The following FRMD5 variants were observed in gnomAD, a reference collection of about 807,000 sequenced individuals.
FRMD5 encodes the protein FERM domain containing 5, also known as FERM domain-containing protein 5.
A neutral mutation model predicts 69.0 loss-of-function variants in FRMD5; 20 were observed. That is an observed-to-expected ratio of 0.29 (90% confidence interval 0.20 to 0.42). The LOEUF (loss-of-function observed/expected upper bound fraction) is 0.42, where lower values mean the gene tolerates loss of function less well. Among genes scored for constraint, FRMD5 ranks in the 10% least tolerant of loss-of-function variants. FRMD5 has a pLI of 1.00. For missense variants in FRMD5, 595 were observed against 708.6 expected, an observed-to-expected ratio of 0.84 and a Z score of 1.82; for synonymous variants, 271 against 260.1, an observed-to-expected ratio of 1.04 and a Z score of -0.40.
rs550899044 is a variant in FRMD5 at position 44,120,123 on chromosome 15, G to A, written c.102+74830C>T. Among the ~76,000 whole-genome samples the A allele has an allele frequency of 1.5e-4, 23 of 152,256 alleles. No individual in the cohort carries two copies. In the South Asian group the frequency reaches 4.4e-3, roughly 29 times the overall value. On this transcript the variant is annotated intron_variant, in intron 1 of 13. Transcript: ENST00000417257. ...GTACAGAGGAGAAAGTTCATAGGGG[G>A]ACCTACAAACCATACCAAGGAGTTT...
chr15:43,874,061 A>T lies in FRMD5; in HGVS notation c.1537T>A (p.Phe513Ile). The change falls in exon 14 of 14, where the codon TTT (phenylalanine) becomes ATT (isoleucine). Residue 513 changes from phenylalanine to isoleucine, a missense_variant. Phe to Ile is a conservative substitution (Grantham distance 21). Coordinates refer to ENST00000417257, the MANE Select transcript of FRMD5 (RefSeq NM_032892.5). ...ATGATCAGGAGGAGGAGCAAAACAA[A>T]GAGGAGTCCCATGGTCACAAGGAGC... ...RLLLVTMGLLFVLLLLLIILT... is the reference protein window; with the variant it reads ...RLLLVTMGLLIVLLLLLIILT... 1 of 1,614,254 alleles carries T rather than the reference A, an allele frequency of 6.2e-7. No homozygotes were observed. The highest frequency in any genetic ancestry group is 8.5e-7 in the Non-Finnish European group (1 of 1,180,048).
intron 1 of FRMD5, among the ~76,000 whole-genome samples, chr15:44,090,855 T>A (rs948222938): frequency 3.3e-5 from 5 of 152,210 alleles, no homozygotes; most frequent in Non-Finnish European, 7.3e-5. Flanking sequence ...TGAATTTTTT[T>A]AAAAGACTAC....
intron 1 of FRMD5, among the ~76,000 whole-genome samples, chr15:43,966,367 C>T (rs1461744269): frequency 1.3e-5 from 2 of 151,934 alleles, no homozygotes; most frequent in African/African-American, 4.8e-5. Context: ...GAGTGAGACC[C>T]TGTCTCTAAA....
chr15:44,045,490 A>G (rs1439818390), intron 1 of FRMD5, among the ~76,000 whole-genome samples: 1 of 152,356 alleles, frequency 6.6e-6, no homozygotes, highest in East Asian at 1.9e-4. Context: ...ACAAGAATCA[A>G]TTAAAAAAAG....
chr15:43,953,739 C>T (rs867550986), intron 1 of FRMD5, among the ~76,000 whole-genome samples: 1 of 152,236 alleles, frequency 6.6e-6, no homozygotes, highest in Admixed American at 6.5e-5. Flanking sequence ...AGGTACTTGT[C>T]ATCTGTTACC....
intron 1 of FRMD5, among the ~76,000 whole-genome samples, chr15:44,118,075 G>T (rs2076896492): frequency 1.4e-5 from 2 of 147,140 alleles, no homozygotes; most frequent in South Asian, 4.4e-4. Context: ...TAGGGGTAGT[G>T]ATTGAGGAGG....
At chr15:43,983,321 A>G (rs1254365816) in intron 1 of FRMD5, among the ~76,000 whole-genome samples, 1 of 152,198 alleles carries the variant, frequency 6.6e-6, no homozygotes, top group Non-Finnish European at 1.5e-5. Context: ...TGCTTTATAT[A>G]CATTTTTGTC....
At chr15:44,050,482 C>T (rs1312316540) in intron 1 of FRMD5, among the ~76,000 whole-genome samples, 1 of 151,070 alleles carries the variant, frequency 6.6e-6, no homozygotes, top group Non-Finnish European at 1.5e-5. Flanking sequence ...ACCTCAGCCT[C>T]CCGAGTAGCT....
chr15:44,199,001 C>T (rs1186286364), upstream of FRMD5, among the ~76,000 whole-genome samples: 3 of 152,170 alleles, frequency 2.0e-5, no homozygotes, highest in Non-Finnish European at 4.4e-5. Context: ...GTACTATCCC[C>T]CACGTATGCC....
chr15:43,935,953 C>A (rs569601292), intron 1 of FRMD5, among the ~76,000 whole-genome samples: 170 of 152,376 alleles, frequency 1.1e-3, no homozygotes, highest in Non-Finnish European at 1.9e-3. Flanking sequence ...TATCTCAAGG[C>A]TGCAGAGACA....
intron 1 of FRMD5, among the ~76,000 whole-genome samples, chr15:44,071,341 C>A (rs958036673): frequency 1.3e-5 from 2 of 152,076 alleles, no homozygotes; most frequent in African/African-American, 2.4e-5. Flanking sequence ...GGAGGAAGAT[C>A]ATCGGATCCC....
intron 1 of FRMD5, among the ~76,000 whole-genome samples, chr15:43,973,892 A>C (rs1337229900): frequency 6.6e-6 from 1 of 150,844 alleles, no homozygotes; most frequent in Admixed American, 6.7e-5. Flanking sequence ...GGCCTCCTCA[A>C]TCTTCTACTT....
At chr15:44,132,636 C>T (rs1013908326) in intron 1 of FRMD5, among the ~76,000 whole-genome samples, 9 of 152,050 alleles carry the variant, frequency 5.9e-5, no homozygotes, top group African/African-American at 1.9e-4. Flanking sequence ...GCTACATTTC[C>T]CAGGCTGGTC....
At chr15:43,947,955 T>C (rs1235604298) in intron 1 of FRMD5, among the ~76,000 whole-genome samples, 1 of 129,302 alleles carries the variant, frequency 7.7e-6, no homozygotes, top group South Asian at 2.5e-4. Context: ...AGATCCTGAA[T>C]AAGAGGGGTA....
intron 13 of FRMD5, among the ~76,000 whole-genome samples, chr15:43,875,386 A>G (rs1160248412): frequency 1.4e-5 from 2 of 142,284 alleles, no homozygotes; most frequent in African/African-American, 5.2e-5. Context: ...ATATATATAT[A>G]TATATATGTA....
chr15:44,166,391 T>G (rs937216911), intron 1 of FRMD5, among the ~76,000 whole-genome samples: 4 of 152,342 alleles, frequency 2.6e-5, no homozygotes, highest in Non-Finnish European at 5.9e-5. Flanking sequence ...TTCTAGCTAT[T>G]GGCTTTGATG....
intron 1 of FRMD5, among the ~76,000 whole-genome samples, chr15:44,004,616 T>C (rs1890355396): frequency 6.6e-6 from 1 of 152,246 alleles, no homozygotes; most frequent in Admixed American, 6.5e-5. Context: ...ACAAATGTTT[T>C]ATGTGTCCTC....
chr15:44,027,781 A>C (rs546339397), intron 1 of FRMD5, among the ~76,000 whole-genome samples: 1 of 151,524 alleles, frequency 6.6e-6, no homozygotes, highest in South Asian at 2.1e-4. Flanking sequence ...AGTAGCTGGG[A>C]CTACACGTGC....
chr15:44,132,034 G>C (rs1392311450), intron 1 of FRMD5, among the ~76,000 whole-genome samples: 3 of 152,064 alleles, frequency 2.0e-5, no homozygotes, highest in African/African-American at 7.2e-5. Flanking sequence ...CATACAACTA[G>C]ATGGTCCCAT....
Sources: gnomAD v4.1 joint callset for allele counts (sites outside exome capture counted in the v4.1 genomes callset) on GRCh38, gnomAD v4.1.1 for gene constraint, MANE v1.5 for transcripts, NCBI Gene and HGNC (gene_info 2026-07-23, HGNC 2026-07-21) for gene names.